The following ARL8B variants were observed in gnomAD, a reference collection of about 807,000 sequenced individuals.
ARL8B encodes the protein ADP-ribosylation factor-like protein 8B.
A neutral mutation model predicts 30.6 loss-of-function variants in ARL8B; 9 were observed. That is an observed-to-expected ratio of 0.29 (90% CI 0.18 to 0.51). The LOEUF (loss-of-function observed/expected upper bound fraction) is 0.51. Ranked by LOEUF, ARL8B falls within the 20% of genes least tolerant of loss-of-function variation. ARL8B has a pLI of 0.97. For synonymous variants in ARL8B, 74 were observed against 76.0 expected (o/e 0.97, Z 0.14); for missense variants, 130 against 227.2 (o/e 0.57, Z 2.75).
At chr3:5,135,248 A>G (rs767015725) in intron 1 of ARL8B, among the ~76,000 whole-genome samples, 11 of 152,156 alleles carry the variant, frequency 7.2e-5, no homozygotes, top group South Asian at 6.2e-4. Flanking sequence ...AACGTTCAGT[A>G]AAAATTATTT....
chr3:5,172,226 A>G lies in ARL8B; in HGVS notation c.278+3A>G. The stretch of plus-strand genomic sequence containing the variant: ...TGCAGAGGAGTCAATGCTATTGTGT[A>G]AGTGGTTTTTTTTTGTTTGTTTGCT... On this transcript the variant is annotated splice_donor_region_variant and intron_variant, in intron 3 of 6. Transcript: ENST00000256496. 1.2e-6 allele frequency: 2 copies of G among 1,606,572 alleles called. No homozygotes were observed. The highest frequency in any genetic ancestry group is 2.2e-5 in the East Asian group (1 of 44,808).
chr3:5,124,541 C>G (rs1317658004), intron 1 of ARL8B, among the ~76,000 whole-genome samples: 1 of 152,120 alleles, frequency 6.6e-6, no homozygotes, highest in East Asian at 1.9e-4. Context: ...TCGTAGCTCA[C>G]TGCAGCCTCC....
chr3:5,140,871 G>A (rs1036201881), intron 1 of ARL8B, among the ~76,000 whole-genome samples: 1 of 152,202 alleles, frequency 6.6e-6, no homozygotes, highest in African/African-American at 2.4e-5. Flanking sequence ...TGGACTTGGA[G>A]ACATGAAGAA....
At chr3:5,157,521 C>G (rs1438289615) in intron 1 of ARL8B, among the ~76,000 whole-genome samples, 1 of 152,126 alleles carries the variant, frequency 6.6e-6, no homozygotes, top group African/African-American at 2.4e-5. Context: ...CAGGTTCTTT[C>G]TCCATACCAC....
intron 1 of ARL8B, among the ~76,000 whole-genome samples, chr3:5,127,916 G>A (rs1436578938): frequency 3.6e-5 from 5 of 139,588 alleles, no homozygotes; most frequent in African/African-American, 1.1e-4. Context: ...AGGGCCAGGC[G>A]CAATGGCTTA....
chr3:5,141,533 C>T (rs1379008671), intron 1 of ARL8B, among the ~76,000 whole-genome samples: 1 of 152,204 alleles, frequency 6.6e-6, no homozygotes, highest in East Asian at 1.9e-4. Context: ...ACTCCTGCTA[C>T]AATTATGAGA....
At chr3:5,174,707 TAA>T (rs2054711052) in intron 6 of ARL8B, among the ~76,000 whole-genome samples, 1 of 144,374 alleles carries the variant, frequency 6.9e-6, no homozygotes, top group African/African-American at 2.6e-5. Context: ...AATATATATG[TAA>T]TATGTATTAT....
chr3:5,158,617 T>C (rs1461499451), intron 1 of ARL8B, among the ~76,000 whole-genome samples: 1 of 152,154 alleles, frequency 6.6e-6, no homozygotes, highest in Non-Finnish European at 1.5e-5. Flanking sequence ...GTCTCCAGGG[T>C]CCGTTATAAC....
intron 1 of ARL8B, among the ~76,000 whole-genome samples, chr3:5,159,225 G>A (rs1435852764): frequency 2.0e-5 from 3 of 150,996 alleles, no homozygotes; most frequent in South Asian, 4.2e-4. Context: ...CCCCGAGCCC[G>A]GGAGGTTGAG....
chr3:5,132,114 A>G (rs13062913), intron 1 of ARL8B, among the ~76,000 whole-genome samples: 3 of 151,844 alleles, frequency 2.0e-5, no homozygotes, highest in African/African-American at 4.8e-5. Flanking sequence ...ATCTTGAACT[A>G]CTGGGCTCAA....
chr3:5,166,339 G>A (rs560330441), intron 1 of ARL8B, among the ~76,000 whole-genome samples: 2 of 132,158 alleles, frequency 1.5e-5, no homozygotes, highest in East Asian at 4.6e-4. Context: ...CGCCTGGCTG[G>A]TATCTTTCGT....
chr3:5,173,553 G>A (rs566072353), intron 4 of ARL8B, among the ~76,000 whole-genome samples: 1 of 152,038 alleles, frequency 6.6e-6, no homozygotes, highest in Non-Finnish European at 1.5e-5. Context: ...TGGCTAACGC[G>A]GTGAAACCCC....
chr3:5,127,595 A>G (rs1221038594), intron 1 of ARL8B, among the ~76,000 whole-genome samples: 4 of 152,178 alleles, frequency 2.6e-5, no homozygotes, highest in Admixed American at 1.3e-4. Context: ...ATGTTTGGAT[A>G]TTTAAATAAC....
chr3:5,124,145 A>C (rs1015321809), intron 1 of ARL8B, among the ~76,000 whole-genome samples: 92 of 152,110 alleles, frequency 6.0e-4, no homozygotes, highest in African/African-American at 2.2e-3. Context: ...CTGGGATTGC[A>C]GGTGTGAGCC....
intron 1 of ARL8B, among the ~76,000 whole-genome samples, chr3:5,140,399 G>T (rs1284785969): frequency 6.6e-6 from 1 of 152,172 alleles, no homozygotes; most frequent in Non-Finnish European, 1.5e-5. Context: ...CCACCACCAT[G>T]TAAGAAGCCC....
chr3:5,149,156 G>A (rs2054456397), intron 1 of ARL8B, among the ~76,000 whole-genome samples: 1 of 152,196 alleles, frequency 6.6e-6, no homozygotes, highest in South Asian at 2.1e-4. Flanking sequence ...AACCACTAAG[G>A]CAGTACTTAC....
At chr3:5,122,666 GGGC>G in intron 1 of ARL8B, 78 bp downstream of exon 1, 1 of 1,496,870 alleles carries the variant, frequency 6.7e-7, no homozygotes, top group Non-Finnish European at 9.0e-7. Context: ...GCCTGAGTTG[GGGC>G]CCCCCTCGGC....
chr3:5,165,668 G>GA (rs1267217510), intron 1 of ARL8B, among the ~76,000 whole-genome samples: 1 of 151,754 alleles, frequency 6.6e-6, no homozygotes, highest in East Asian at 1.9e-4. Flanking sequence ...ATTCTTAGAG[G>GA]AAAAAAACCA....
At chr3:5,133,629 T>C (rs1392850759) in intron 1 of ARL8B, among the ~76,000 whole-genome samples, 1 of 152,008 alleles carries the variant, frequency 6.6e-6, no homozygotes, top group Non-Finnish European at 1.5e-5. Context: ...GATTTGAGTA[T>C]AAATTGTATT....
Sources: allele counts gnomAD v4.1 joint callset (sites outside exome capture counted in the v4.1 genomes callset), GRCh38; gene constraint gnomAD v4.1.1; transcripts MANE v1.5; gene names NCBI Gene and HGNC (gene_info 2026-07-23, HGNC 2026-07-21).